The following MACF1 variants were observed in gnomAD, a reference collection of about 807,000 sequenced individuals.
MACF1 encodes microtubule-actin cross-linking factor 1.
A neutral mutation model predicts 854.8 loss-of-function variants in MACF1; 193 were observed. The observed-to-expected ratio is 0.23, with a 90% CI of 0.20 to 0.25. The LOEUF (loss-of-function observed/expected upper bound fraction) is 0.25, where lower values mean the gene tolerates loss of function less well. Among genes scored for constraint, MACF1 ranks in the 10% least tolerant of loss-of-function variants. The pLI is 1.00. For synonymous variants in MACF1, 3,185 were observed against 3,226.7 expected, an observed-to-expected ratio of 0.99 and a Z score of 0.44; for missense variants, 7,722 against 8,929.1, an observed-to-expected ratio of 0.86 and a Z score of 5.45.
intron 2 of MACF1, among the ~76,000 whole-genome samples, chr1:39,109,430 T>A (rs1248040358): frequency 6.6e-6 from 1 of 152,054 alleles, no homozygotes; most frequent in African/African-American, 2.4e-5. Context: ...CCACCATGCC[T>A]GGCTAATTTT....
chr1:39,272,385 G>A (rs1228416449), intron 6 of MACF1, among the ~76,000 whole-genome samples: 1 of 152,218 alleles, frequency 6.6e-6, no homozygotes, highest in Admixed American at 6.5e-5. Context: ...GATAGGCAGG[G>A]CAAGAGCATC....
intron 97 of MACF1, among the ~76,000 whole-genome samples, chr1:39,473,257 C>T (rs1644811432): frequency 6.6e-6 from 1 of 152,190 alleles, no homozygotes; most frequent in Non-Finnish European, 1.5e-5. Context: ...ATGTACCTAC[C>T]TCATGGTGGC....
At chr1:39,430,638 C>CTG in intron 65 of MACF1, 64 bp from the exon 66 acceptor site, 1 of 1,293,034 alleles carries the variant, frequency 7.7e-7, no homozygotes, top group Non-Finnish European at 1.1e-6. Flanking sequence ...AATTTCCACC[C>CTG]AGCACAGTTG....
At chr1:39,296,864 G>A (rs2148408853) in intron 20 of MACF1, among the ~76,000 whole-genome samples, 1 of 151,896 alleles carries the variant, frequency 6.6e-6, no homozygotes, top group Admixed American at 6.5e-5. Flanking sequence ...AAGAGAGAAA[G>A]AATGTACTTC....
rs1644272114 is a variant in MACF1 at position 39,448,484 on chromosome 1, T to C, written c.20089-110T>C. On this transcript the variant is annotated intron_variant, in intron 83 of 100. Transcript: ENST00000564288. ...GTTAATTTTAGTTCAAAAAAAGTGG[T>C]GATATTCATACTTTATTTGGTTTCT... 3 of 849,486 alleles carry C rather than the reference T, an allele frequency of 3.5e-6. No homozygotes were observed. In the African/African-American group the frequency reaches 5.1e-5, roughly 14 times the overall value. The allele number at this position is 849,486 out of a possible 1,614,324, so 52.6% of individuals were successfully genotyped here.
At chr1:39,463,490 CAAAA>C (rs58454766) in intron 93 of MACF1, 118 bp from the exon 94 acceptor site, 30 of 511,818 alleles carry the variant, frequency 5.9e-5, no homozygotes, top group Middle Eastern at 3.8e-4. Context: ...AACTCCATCT[CAAAA>C]AAAAAAAAAA....
chr1:39,196,636 C>A (rs1644323998), intron 2 of MACF1, among the ~76,000 whole-genome samples: 1 of 152,184 alleles, frequency 6.6e-6, no homozygotes, highest in African/African-American at 2.4e-5. Context: ...AGACTTCTCT[C>A]TTTGTAAGCA....
intron 1 of MACF1, among the ~76,000 whole-genome samples, chr1:39,216,626 G>A (rs1469999151): frequency 6.6e-6 from 1 of 151,898 alleles, no homozygotes; most frequent in Non-Finnish European, 1.5e-5. Flanking sequence ...AGGAAAAAAA[G>A]CTGCCATAGC....
chr1:39,085,322 C>T (rs1003639536), intron 2 of MACF1, among the ~76,000 whole-genome samples: 1 of 152,214 alleles, frequency 6.6e-6, no homozygotes, highest in African/African-American at 2.4e-5. Flanking sequence ...TCCACAGCTG[C>T]CTCCCTGAAG....
Position 39,370,065 on chromosome 1 carries a change from A to G in MACF1, c.12974A>G (p.Asp4325Gly). ...KDASSCQEQL[D>G]EFRKLVRTFQ... Reference sequence around the variant, plus strand: ...GCATCATCTTGCCAGGAACAGTTGGATGAATTCCGGAAGCTGGTCAGGACC... The same window carrying G: ...GCATCATCTTGCCAGGAACAGTTGGGTGAATTCCGGAAGCTGGTCAGGACC... Residue 4325 changes from aspartate to glycine, a missense_variant, in exon 51 of 101, where the codon GAT (aspartate) becomes GGT (glycine). Coordinates refer to ENST00000564288, the MANE Select transcript of MACF1 (RefSeq NM_001394062.1). 1 of 1,613,940 alleles carries G rather than the reference A, an allele frequency of 6.2e-7. No individual in the cohort carries two copies. Among genetic ancestry groups the G allele is most frequent in the Non-Finnish European group, 8.5e-7 (1 of 1,179,928 alleles).
In MACF1 at chr1:39,484,678, T is replaced by C; in HGVS notation, c.22359T>C (p.Asp7453=). The change falls in exon 100 of 101, where the codon GAT becomes GAC. Residue 7453 remains aspartate, a synonymous_variant. Coordinates refer to ENST00000564288, the MANE Select transcript of MACF1 (RefSeq NM_001394062.1). ...FHSSRTSLAG[D]TSNSSSPAST... ...CTAGTCGGACATCCCTTGCTGGTGA[T>C]ACCAGCAATAGTTCTTCCCCGGCCT... 1 of 1,612,046 alleles carries C rather than the reference T, an allele frequency of 6.2e-7. No individual in the cohort carries two copies. Among genetic ancestry groups the C allele is most frequent in the Admixed American group, 1.7e-5 (1 of 60,022 alleles).
chr1:39,177,792 C>T (rs7554301), intron 2 of MACF1, among the ~76,000 whole-genome samples: 91,192 of 151,926 alleles, frequency 0.6, 29,444 homozygotes, highest in South Asian at 0.74. Context: ...ATGGGAAAGC[C>T]ATTGCTTTCT....
rs964664196 is a variant in MACF1 at position 39,287,453 on chromosome 1, G to C, written c.1676G>C (p.Trp559Ser). ...GCAACCCATTCTTCTTCTACCTCCTGGTTCCGAAAGCCTATGACTCGGGCT... is the reference window on the plus strand; with the variant it reads ...GCAACCCATTCTTCTTCTACCTCCTCGTTCCGAAAGCCTATGACTCGGGCT... Reference protein sequence around the residue: ...TKATHSSSTSWFRKPMTRAEL... With the variant: ...TKATHSSSTSSFRKPMTRAEL... The change falls in exon 15 of 101, where the codon TGG (tryptophan) becomes TCG (serine). Residue 559 changes from tryptophan to serine, a missense_variant. Trp to Ser is a radical substitution (Grantham distance 177). Transcript: ENST00000564288. The C allele has an allele frequency of 2.0e-5, 32 of 1,613,994 alleles. No homozygotes were observed. The highest frequency in any genetic ancestry group is 2.2e-5 in the Non-Finnish European group (26 of 1,180,046).
At chr1:39,382,640 G>T (rs1650334210) in intron 56 of MACF1, among the ~76,000 whole-genome samples, 1 of 150,092 alleles carries the variant, frequency 6.7e-6, no homozygotes, top group Non-Finnish European at 1.5e-5. Context: ...GGAGGCTGAG[G>T]TTGCAGTGTC....
intron 97 of MACF1, 25 bp from the exon 98 acceptor site, chr1:39,479,771 TTG>T: frequency 5.0e-6 from 8 of 1,587,180 alleles, no homozygotes; most frequent in African/African-American, 1.3e-5. Context: ...AGAACTGACA[TTG>T]TGTGTGTGTT....
chr1:39,128,167 C>A (rs1361517512), intron 2 of MACF1, among the ~76,000 whole-genome samples: 1 of 151,948 alleles, frequency 6.6e-6, no homozygotes, highest in Admixed American at 6.6e-5. Flanking sequence ...ATGAGCCTTA[C>A]CTCTTATTTA....
chr1:39,413,153 C>T (rs1299723025), intron 58 of MACF1: 6 of 1,613,026 alleles, frequency 3.7e-6, no homozygotes, highest in Non-Finnish European at 5.1e-6. Flanking sequence ...ATTACAGTAC[C>T]CATCACAGAG....
At chr1:39,368,757 C>T (rs1392082544) in intron 50 of MACF1, among the ~76,000 whole-genome samples, 1 of 152,182 alleles carries the variant, frequency 6.6e-6, no homozygotes, top group Admixed American at 6.5e-5. Context: ...CTGCCTCCGC[C>T]TCCCAAAGTG....
At chr1:39,172,739 G>C (rs1295150755) in intron 2 of MACF1, among the ~76,000 whole-genome samples, 5 of 152,104 alleles carry the variant, frequency 3.3e-5, no homozygotes, top group African/African-American at 1.2e-4. Flanking sequence ...CTATATCCTG[G>C]GCAAGGCAGC....
Sources: gnomAD v4.1 joint callset for allele counts (sites outside exome capture counted in the v4.1 genomes callset) on GRCh38, gnomAD v4.1.1 for gene constraint, MANE v1.5 for transcripts, NCBI Gene and HGNC (gene_info 2026-07-23, HGNC 2026-07-21) for gene names.